The following RABL3 variants were observed in gnomAD, a reference collection of about 807,000 sequenced individuals.
RABL3 encodes RAB, member of RAS oncogene family like 3, also known as rab-like protein 3.
A neutral mutation model predicts 31.8 loss-of-function variants in RABL3; 31 were observed. That is an observed-to-expected ratio of 0.97 (90% CI 0.73 to 1.31). The LOEUF (loss-of-function observed/expected upper bound fraction) is 1.31, where lower values mean the gene tolerates loss of function less well. Among genes scored for constraint, RABL3 ranks in the 40% most tolerant of loss-of-function variants. The pLI is 0.00. For missense variants in RABL3, 263 were observed against 279.6 expected, an observed-to-expected ratio of 0.94 and a Z score of 0.42; for synonymous variants, 97 against 99.9, an observed-to-expected ratio of 0.97 and a Z score of 0.18.
At chr3:120,705,446 A>C (rs541622175) in intron 4 of RABL3, among the ~76,000 whole-genome samples, 66 of 152,360 alleles carry the variant, frequency 4.3e-4, no homozygotes, top group African/African-American at 1.6e-3. Context: ...GGACAGACAC[A>C]TAGATCAATG....
intron 2 of RABL3, among the ~76,000 whole-genome samples, chr3:120,714,533 T>C (rs941771649): frequency 4.6e-5 from 7 of 152,208 alleles, no homozygotes; most frequent in Middle Eastern, 3.2e-3. Context: ...AGCCCTTCAC[T>C]TTCCCTGCCA....
intron 2 of RABL3, among the ~76,000 whole-genome samples, chr3:120,720,877 T>C (rs974584951): frequency 6.6e-6 from 1 of 151,894 alleles, no homozygotes; most frequent in Admixed American, 6.6e-5. Context: ...CCAAGACACA[T>C]AATTGTCAGA....
intron 4 of RABL3, among the ~76,000 whole-genome samples, chr3:120,701,566 A>C (rs892339486): frequency 2.0e-5 from 3 of 152,226 alleles, no homozygotes; most frequent in Non-Finnish European, 2.9e-5. Context: ...AGTAGAAAAT[A>C]GAGAACAAGC....
rs900081942 is a variant in RABL3, at chr3:120,689,812, A to G, written c.*11T>C. 2 of 1,597,092 alleles carry G rather than the reference A, an allele frequency of 1.3e-6. No individual in the cohort carries two copies. The highest frequency in any genetic ancestry group is 1.7e-6 in the Non-Finnish European group (2 of 1,164,932). ...CACTGCTTGCTCACTCTTCCAAAGG[A>G]TGAGTGTAATTCAGTCATAATGAAG... is the stretch of plus-strand genomic sequence containing the variant. On this transcript the variant is annotated 3_prime_UTR_variant, in exon 8 of 8. Transcript: ENST00000273375.
chr3:120,692,193 G>T (rs1708387640), intron 6 of RABL3, among the ~76,000 whole-genome samples: 1 of 142,794 alleles, frequency 7.0e-6, no homozygotes, highest in African/African-American at 2.5e-5. Flanking sequence ...TTTTGGAGAA[G>T]AAATCTTTTT....
intron 2 of RABL3, among the ~76,000 whole-genome samples, chr3:120,711,466 C>T (rs1254243728): frequency 3.9e-5 from 6 of 152,228 alleles, no homozygotes; most frequent in African/African-American, 1.4e-4. Context: ...GACTGATCTC[C>T]CTACTAGAGG....
intron 1 of RABL3, among the ~76,000 whole-genome samples, chr3:120,734,041 T>G (rs1480571547): frequency 6.6e-6 from 1 of 152,222 alleles, no homozygotes; most frequent in Admixed American, 6.5e-5. Flanking sequence ...TGGGCGCTTT[T>G]TTGGTTCCAC....
chr3:120,718,476 A>G (rs1708696474), intron 2 of RABL3, among the ~76,000 whole-genome samples: 1 of 152,204 alleles, frequency 6.6e-6, no homozygotes, highest in African/African-American at 2.4e-5. Context: ...TCTGCTCTAT[A>G]AGTCCTGTCA....
At chr3:120,701,698 CAT>C (rs1240940033) in intron 4 of RABL3, among the ~76,000 whole-genome samples, 2 of 152,240 alleles carry the variant, frequency 1.3e-5, no homozygotes, top group Middle Eastern at 3.4e-3. Flanking sequence ...CTGGAATCTA[CAT>C]ATATATACTC....
chr3:120,734,412 G>A (rs927048633), intron 1 of RABL3, among the ~76,000 whole-genome samples: 1 of 152,352 alleles, frequency 6.6e-6, no homozygotes, highest in East Asian at 1.9e-4. Context: ...AGACTTTGCT[G>A]AAGTAGCTTA....
At chr3:120,724,509 A>G (rs1287402913) in intron 2 of RABL3, among the ~76,000 whole-genome samples, 1 of 152,242 alleles carries the variant, frequency 6.6e-6, no homozygotes, top group East Asian at 1.9e-4. Context: ...CCTATGCCAA[A>G]AGGACAAAGC....
At chr3:120,738,979 G>C (rs745331762) in intron 1 of RABL3, among the ~76,000 whole-genome samples, 2 of 152,138 alleles carry the variant, frequency 1.3e-5, no homozygotes, top group Non-Finnish European at 2.9e-5. Flanking sequence ...TAACTTTCAT[G>C]GGGTTATACT....
At chr3:120,698,140 G>C (rs1017588035) in intron 5 of RABL3, among the ~76,000 whole-genome samples, 4 of 152,142 alleles carry the variant, frequency 2.6e-5, no homozygotes, top group Admixed American at 2.6e-4. Flanking sequence ...CTCCAGTCTG[G>C]GCGACAGAGC....
At chr3:120,690,712 C>G (rs1315292502) in intron 6 of RABL3, among the ~76,000 whole-genome samples, 1 of 151,896 alleles carries the variant, frequency 6.6e-6, no homozygotes, top group Admixed American at 6.6e-5. Flanking sequence ...AATGATAGAT[C>G]AAAAAATAAA....
At chr3:120,704,641 C>A (rs1322845297) in intron 4 of RABL3, among the ~76,000 whole-genome samples, 1 of 152,180 alleles carries the variant, frequency 6.6e-6, no homozygotes, top group Non-Finnish European at 1.5e-5. Flanking sequence ...CTATGTAGAG[C>A]ATCCTAAGGA....
intron 4 of RABL3, among the ~76,000 whole-genome samples, chr3:120,704,045 A>G (rs1486263910): frequency 6.6e-6 from 1 of 152,226 alleles, no homozygotes; most frequent in African/African-American, 2.4e-5. Flanking sequence ...AATACTTCCA[A>G]TTAATTCTAT....
chr3:120,702,247 T>C (rs932491793), intron 4 of RABL3, among the ~76,000 whole-genome samples: 2 of 152,204 alleles, frequency 1.3e-5, no homozygotes, highest in African/African-American at 4.8e-5. Context: ...ACTAGTTTCA[T>C]GGCAGACAAT....
intron 4 of RABL3, among the ~76,000 whole-genome samples, chr3:120,704,640 G>A (rs1366146666): frequency 6.6e-6 from 1 of 152,198 alleles, no homozygotes; most frequent in Non-Finnish European, 1.5e-5. Flanking sequence ...TCTATGTAGA[G>A]CATCCTAAGG....
At chr3:120,721,434 T>G (rs191721612) in intron 2 of RABL3, among the ~76,000 whole-genome samples, 1 of 152,020 alleles carries the variant, frequency 6.6e-6, no homozygotes, top group Admixed American at 6.5e-5. Context: ...AGGAAACCCA[T>G]CTCATGTGCA....
Sources: gnomAD v4.1 joint callset for allele counts (sites outside exome capture counted in the v4.1 genomes callset) on GRCh38, gnomAD v4.1.1 for gene constraint, MANE v1.5 for transcripts, NCBI Gene and HGNC (gene_info 2026-07-23, HGNC 2026-07-21) for gene names.